Variants in PRSS2 observed in about 807,000 individuals in gnomAD.
The protein encoded by PRSS2 is serine protease 2, also known as trypsin-2.
PRSS2 carries 19 observed loss-of-function variants against 19.2 expected under a neutral mutation model. The ratio of observed to expected loss-of-function variants is 0.99; its 90% CI spans 0.69 to 1.45. PRSS2 has a LOEUF of 1.45. Ranked by LOEUF, PRSS2 falls within the 40% of genes most tolerant of loss-of-function variation. The pLI is 0.00. For missense variants in PRSS2, 288 were observed against 294.4 expected (o/e 0.98, Z 0.16); for synonymous variants, 107 against 117.5 (o/e 0.91, Z 0.58).
In PRSS2 at chr7:142,773,410, A is replaced by T; in HGVS notation, c.345A>T (p.Ser115=). The T allele has an allele frequency of 6.2e-7, 1 of 1,607,436 alleles. No homozygotes were observed. Among genetic ancestry groups the T allele is most frequent in the Non-Finnish European group, 8.5e-7 (1 of 1,174,288 alleles). The change falls in exon 3 of 5, where the codon TCA becomes TCT. Residue 115 remains serine (S), a synonymous_variant. Transcript: ENST00000539842. Reference sequence around the variant, plus strand: ...ACATCCTGCTGATCAAGCTCTCCTCACCTGCCGTCATCAATTCCCGCGTGT... The same window carrying T: ...ACATCCTGCTGATCAAGCTCTCCTCTCCTGCCGTCATCAATTCCCGCGTGT... ...DNDILLIKLS[S]PAVINSRVSA...
At chr7:142,772,769 TG>T (rs1188327977) in intron 2 of PRSS2, among the ~76,000 whole-genome samples, 3 of 152,078 alleles carry the variant, frequency 2.0e-5, no homozygotes, top group Non-Finnish European at 4.4e-5. Context: ...GATCAGTAGG[TG>T]GGGGTAAGGA....
In PRSS2 at chr7:142,773,425, TTC is replaced by T; in HGVS notation, c.361_362del (p.Ser121ProfsTer49). 6.2e-7 allele frequency: 1 copy of T among 1,603,058 alleles called. No individual in the cohort carries two copies. The highest frequency in any genetic ancestry group is 1.1e-5 in the South Asian group (1 of 90,648). On this transcript the variant is annotated frameshift_variant, in exon 3 of 5. Transcript: ENST00000539842. LOFTEE classifies it high-confidence loss of function. ...AGCTCTCCTCACCTGCCGTCATCAA[TTC>T]CCGCGTGTCCGCCATCTCTCTGCCC... ...IKLSSPAVIN[S>X]RVSAISLPTA...
Position 142,773,273 on chromosome 7 carries a change from C to G in PRSS2, c.208C>G (p.Gln70Glu). 1 of 1,614,240 alleles carries G rather than the reference C, an allele frequency of 6.2e-7. No individual in the cohort carries two copies. The highest frequency in any genetic ancestry group is 2.2e-5 in the East Asian group (1 of 44,882). Residue 70 changes from glutamine (Q) to glutamate (E), a missense_variant, in exon 3 of 5, where the codon CAG (glutamine) becomes GAG (glutamate). Physicochemically the swap from Gln to Glu is conservative, Grantham distance 29. Transcript: ENST00000539842. ...SAGHCYKSRI[Q>E]VRLGEHNIEV... ...GCCTGCCCTGCCCATCAGCCGCATC[C>G]AGGTGAGACTGGGAGAGCACAACAT...
At chr7:142,771,804 G>A (rs996376512) in intron 1 of PRSS2, among the ~76,000 whole-genome samples, 2 of 152,208 alleles carry the variant, frequency 1.3e-5, no homozygotes, top group African/African-American at 2.4e-5. Flanking sequence ...TATTCCTTGC[G>A]TCCTCAGCCT....
chr7:142,772,275 A>T (rs141418662), intron 2 of PRSS2, 67 bp downstream of exon 2: 14 of 1,570,180 alleles, frequency 8.9e-6, no homozygotes, highest in Non-Finnish European at 1.2e-5. Flanking sequence ...GATTCAGCCC[A>T]GGGAAGTACT....
At position 142,773,473 on chromosome 7, in the gene PRSS2, C is replaced by G. The variant is rs905831826; in HGVS notation, c.408C>G (p.Gly136=). 1.5e-4 allele frequency: 238 copies of G among 1,597,426 alleles called. No homozygotes were observed. Among genetic ancestry groups the G allele is most frequent in the Non-Finnish European group, 2.0e-4 (230 of 1,165,318 alleles). Reference sequence around the variant, plus strand: ...TGCCCACTGCCCCTCCAGCTGCTGGCACCGAGTCCCTCATCTCCGGCTGGG... The same window carrying G: ...TGCCCACTGCCCCTCCAGCTGCTGGGACCGAGTCCCTCATCTCCGGCTGGG... ...ISLPTAPPAA[G]TESLISGWGN... is the part of the protein sequence containing the mutation. Residue 136 remains glycine, a synonymous_variant, in exon 3 of 5, where the codon GGC becomes GGG. Transcript: ENST00000539842.
chr7:142,772,906 A>G (rs1586041699), intron 2 of PRSS2, among the ~76,000 whole-genome samples: 1 of 152,236 alleles, frequency 6.6e-6, no homozygotes, highest in Non-Finnish European at 1.5e-5. Context: ...CACTGTGCAC[A>G]GTTAGCAAAG....
chr7:142,772,140 C>A lies in PRSS2; in HGVS notation c.132C>A (p.Gly44=), dbSNP rs1156232563. ...CCTACCAGGTGTCCTTGAATTCTGG[C>A]TACCACTTCTGCGGTGGCTCCCTCA... ...SVPYQVSLNS[G]YHFCGGSLIS... Residue 44 remains glycine, a synonymous_variant, in exon 2 of 5, where the codon GGC becomes GGA. Coordinates refer to ENST00000539842, the MANE Select transcript of PRSS2 (RefSeq NM_002770.4). 4.3e-6 allele frequency: 7 copies of A among 1,613,726 alleles called. No homozygotes were observed. The highest frequency in any genetic ancestry group is 5.1e-6 in the Non-Finnish European group (6 of 1,179,730).
rs1800212828 is a variant in PRSS2, at chr7:142,773,986, C to G, written c.522C>G (p.Ser174=). The G allele has an allele frequency of 6.8e-6, 11 of 1,609,468 alleles. No individual in the cohort carries two copies. The highest frequency in any genetic ancestry group is 8.5e-6 in the Non-Finnish European group (10 of 1,175,762). The change falls in exon 4 of 5, where the codon TCC becomes TCG. Residue 174 remains serine (S), a synonymous_variant. Transcript: ENST00000539842. ...PVLSQAECEA[S]YPGKITNNMF... is the part of the protein sequence containing the mutation. ...TGAGCCAGGCTGAGTGTGAAGCCTC[C>G]TACCCTGGAAAGATTACCAACAACA...
Position 142,771,037 on chromosome 7 carries a change from C to G in PRSS2, c.40+15C>G. ...TGCAGCTGCTGGTGAGTTTCACGCC[C>G]TGCCTCAGGCCTCAACCAACCCTTC... On this transcript the variant is annotated intron_variant, in intron 1 of 4. Transcript: ENST00000539842. 1 of 545,678 alleles carries G rather than the reference C, an allele frequency of 1.8e-6. No individual in the cohort carries two copies. The allele number at this position is 545,678 out of a possible 1,614,324, so 33.8% of individuals were successfully genotyped here. A position where few individuals can be genotyped will look rare whatever the true frequency, so the allele number is the denominator to read the frequency against.
chr7:142,774,214 G>A, intron 4 of PRSS2, 142 bp from the exon 5 acceptor site: 1 of 1,158,376 alleles, frequency 8.6e-7, no homozygotes, highest in Non-Finnish European at 1.3e-6. Flanking sequence ...GTCTGCTTAG[G>A]AAGAACAGAG....
intron 2 of PRSS2, 142 bp from the exon 3 acceptor site, chr7:142,773,124 C>T (rs1800095433): frequency 1.4e-6 from 2 of 1,465,962 alleles, no homozygotes; most frequent in Non-Finnish European, 1.9e-6. Flanking sequence ...ACATTGCTCT[C>T]CTGCCCATGC....
intron 2 of PRSS2, chr7:142,772,582 CA>C: frequency 2.9e-6 from 2 of 680,272 alleles, no homozygotes; most frequent in Non-Finnish European, 5.3e-6. Context: ...TCAAAATTAT[CA>C]GGAAGAGGGT....
Position 142,774,005 on chromosome 7 carries a change from A to C in PRSS2, c.541A>C (p.Asn181His). The C allele has an allele frequency of 5.6e-6, 9 of 1,607,554 alleles. No homozygotes were observed. The change falls in exon 4 of 5, where the codon AAC (asparagine) becomes CAC (histidine). Residue 181 changes from asparagine to histidine, a missense_variant. Transcript: ENST00000539842. ...CEASYPGKITNNMFCVGFLEG... is the reference protein window; with the variant it reads ...CEASYPGKITHNMFCVGFLEG... ...AGCCTCCTACCCTGGAAAGATTACC[A>C]ACAACATGTTCTGTGTGGGCTTCCT...
At chr7:142,771,351 T>C (rs1249887906) in intron 1 of PRSS2, among the ~76,000 whole-genome samples, 1 of 152,180 alleles carries the variant, frequency 6.6e-6, no homozygotes, top group African/African-American at 2.4e-5. Context: ...CTATAGCTGC[T>C]CTTAACCTCG....
chr7:142,773,027 C>G (rs1800083456), intron 2 of PRSS2, among the ~76,000 whole-genome samples: 1 of 151,956 alleles, frequency 6.6e-6, no homozygotes, highest in African/African-American at 2.4e-5. Context: ...GGAGCAGCCT[C>G]TGGTGGGATC....
chr7:142,773,465 G>A lies in PRSS2; in HGVS notation c.400G>A (p.Ala134Thr). 6.2e-7 allele frequency: 1 copy of A among 1,600,346 alleles called. No homozygotes were observed. The highest frequency in any genetic ancestry group is 8.6e-7 in the Non-Finnish European group (1 of 1,167,824). The change falls in exon 3 of 5, where the codon GCT becomes ACT. Residue 134 changes from alanine to threonine, a missense_variant. Coordinates refer to ENST00000539842, the MANE Select transcript of PRSS2 (RefSeq NM_002770.4). ...SAISLPTAPP[A>T]AGTESLISGW... is the part of the protein sequence containing the mutation. ...CATCTCTCTGCCCACTGCCCCTCCA[G>A]CTGCTGGCACCGAGTCCCTCATCTC...
chr7:142,772,668 C>T (rs1218472736), intron 2 of PRSS2: 5 of 611,088 alleles, frequency 8.2e-6, no homozygotes, highest in Non-Finnish European at 1.2e-5. Context: ...GAACTGCTGC[C>T]TACACCAAGA....
rs1323491960 is a variant in PRSS2 at position 142,773,974 on chromosome 7, G to A, written c.510G>A (p.Glu170=). 3 of 1,611,790 alleles carry A rather than the reference G, an allele frequency of 1.9e-6. No homozygotes were observed. Among genetic ancestry groups the A allele is most frequent in the East Asian group, 4.5e-5 (2 of 44,874 alleles). ...ATGCTCCTGTGCTGAGCCAGGCTGA[G>A]TGTGAAGCCTCCTACCCTGGAAAGA... ...CLDAPVLSQA[E]CEASYPGKIT... Residue 170 remains glutamate (E), a synonymous_variant, in exon 4 of 5, where the codon GAG becomes GAA. Coordinates refer to ENST00000539842, the MANE Select transcript of PRSS2 (RefSeq NM_002770.4).
Sources: allele counts gnomAD v4.1 joint callset (sites outside exome capture counted in the v4.1 genomes callset), GRCh38; gene constraint gnomAD v4.1.1; transcripts MANE v1.5; gene names NCBI Gene and HGNC (gene_info 2026-07-23, HGNC 2026-07-21).